FAM117A: variants seen among roughly 807,000 people sequenced by gnomAD.
FAM117A encodes family with sequence similarity 117 member A, also known as protein FAM117A.
In FAM117A, 21 loss-of-function variants were observed where a neutral mutation model predicts 44.1. The observed-to-expected ratio is 0.48, with a 90% CI of 0.34 to 0.69. The LOEUF (loss-of-function observed/expected upper bound fraction) is 0.69, where lower values mean the gene tolerates loss of function less well. Ranked by LOEUF, FAM117A falls within the 30% of genes least tolerant of loss-of-function variation. The pLI is 0.01. For synonymous variants in FAM117A, 220 were observed against 238.3 expected (o/e 0.92, Z 0.71); for missense variants, 498 against 589.9 (o/e 0.84, Z 1.61).
chr17:49,722,703 G>T, intron 2 of FAM117A, 109 bp from the exon 3 acceptor site: 2 of 825,758 alleles, frequency 2.4e-6, no homozygotes, highest in Non-Finnish European at 2.0e-6. Flanking sequence ...CCTTCTCTCT[G>T]CTCATCAACC....
intron 1 of FAM117A, among the ~76,000 whole-genome samples, chr17:49,778,140 C>T (rs759984229): frequency 7.5e-4 from 114 of 152,278 alleles, no homozygotes; most frequent in South Asian, 2.1e-3. Flanking sequence ...GTAAAGGAAC[C>T]CTTCTTGACC....
chr17:49,717,445 T>C, intron 6 of FAM117A, 68 bp downstream of exon 6: 1 of 1,402,006 alleles, frequency 7.1e-7, no homozygotes. Context: ...TGACTAGAGG[T>C]GGAAAAGGGA....
chr17:49,734,594 AAAAT>A (rs903828832), intron 1 of FAM117A, among the ~76,000 whole-genome samples: 7 of 152,222 alleles, frequency 4.6e-5, no homozygotes, highest in African/African-American at 9.6e-5. Flanking sequence ...TCCATCTCAA[AAAAT>A]AAATAAATAA....
chr17:49,734,808 A>C (rs2073603397), intron 1 of FAM117A, among the ~76,000 whole-genome samples: 1 of 152,178 alleles, frequency 6.6e-6, no homozygotes, highest in Non-Finnish European at 1.5e-5. Flanking sequence ...GAAACGGATA[A>C]ACAAATGCAG....
At position 49,711,449 on chromosome 17, in the gene FAM117A, G is replaced by A. The variant is rs1486230850; in HGVS notation, c.1168C>T (p.Leu390Phe). ...AFCPVNLMKP[L>F]FPGMGFIFRN... is the part of the protein sequence containing the mutation. Reference sequence around the variant, plus strand: ...AAGATGAAGCCCATGCCGGGGAAGAGGGGCTTCATCAGGTTGACGGGGCAG... The same window carrying A: ...AAGATGAAGCCCATGCCGGGGAAGAAGGGCTTCATCAGGTTGACGGGGCAG... The change falls in exon 8 of 8, where the codon CTC becomes TTC. Residue 390 changes from leucine to phenylalanine, a missense_variant. Physicochemically the swap from Leu to Phe is conservative, Grantham distance 22 (BLOSUM62 0). Coordinates refer to ENST00000240364, the MANE Select transcript of FAM117A (RefSeq NM_030802.4). 6.2e-7 allele frequency: 1 copy of A among 1,614,044 alleles called. No individual in the cohort carries two copies. Among genetic ancestry groups the A allele is most frequent in the Non-Finnish European group, 8.5e-7 (1 of 1,180,014 alleles).
At chr17:49,781,189 C>G (rs950752130) in intron 1 of FAM117A, among the ~76,000 whole-genome samples, 9 of 152,216 alleles carry the variant, frequency 5.9e-5, no homozygotes, top group Non-Finnish European at 2.9e-5. Context: ...CTCTTTCTCT[C>G]ACTCAAACTT....
At chr17:49,743,946 G>T (rs1382028581) in intron 1 of FAM117A, among the ~76,000 whole-genome samples, 1 of 151,938 alleles carries the variant, frequency 6.6e-6, no homozygotes, top group Non-Finnish European at 1.5e-5. Flanking sequence ...AAAAGGTTGG[G>T]GGGGGCGTCC....
At chr17:49,762,580 C>G (rs1029754697) in intron 1 of FAM117A, among the ~76,000 whole-genome samples, 2 of 152,196 alleles carry the variant, frequency 1.3e-5, no homozygotes, top group African/African-American at 4.8e-5. Context: ...GTAGTAGCTA[C>G]TACTTCTGTA....
At position 49,760,176 on chromosome 17, in the gene FAM117A, T is replaced by C. The variant is rs188471563; in HGVS notation, c.196+3716A>G. On this transcript the variant is annotated intron_variant, in intron 1 of 7. Transcript: ENST00000240364. Reference sequence around the variant, plus strand: ...ATGATGTTCTACAAAGATTGAGAACTGACTGGAAGCAGGTGACCTTCTTTT... The same window carrying C: ...ATGATGTTCTACAAAGATTGAGAACCGACTGGAAGCAGGTGACCTTCTTTT... 1.3e-3 allele frequency among the ~76,000 whole-genome samples: 200 copies of C among 152,322 alleles called. 1 individual carries two copies. The highest frequency in any genetic ancestry group is 2.2e-3 in the Non-Finnish European group (147 of 68,024).
chr17:49,719,296 G>T (rs1214626909), intron 5 of FAM117A, among the ~76,000 whole-genome samples: 1 of 152,082 alleles, frequency 6.6e-6, no homozygotes, highest in Non-Finnish European at 1.5e-5. Flanking sequence ...CTTCAGCAAA[G>T]GTAGCACATA....
chr17:49,772,334 G>A (rs1383284857), intron 1 of FAM117A, among the ~76,000 whole-genome samples: 1 of 151,922 alleles, frequency 6.6e-6, no homozygotes, highest in African/African-American at 2.4e-5. Flanking sequence ...CAAGCTGGGT[G>A]CGGTGGCTCA....
At chr17:49,741,114 A>C (rs1352216091) in intron 1 of FAM117A, among the ~76,000 whole-genome samples, 2 of 152,126 alleles carry the variant, frequency 1.3e-5, no homozygotes, top group East Asian at 3.9e-4. Flanking sequence ...CAAAATACCC[A>C]AGAAGGACTA....
intron 1 of FAM117A, among the ~76,000 whole-genome samples, chr17:49,757,036 C>G (rs1013657124): frequency 2.0e-5 from 3 of 152,158 alleles, no homozygotes; most frequent in African/African-American, 7.2e-5. Flanking sequence ...AGAGAAAACT[C>G]CTCAACCCTT....
chr17:49,753,957 A>G (rs565112492), intron 1 of FAM117A, among the ~76,000 whole-genome samples: 37 of 152,276 alleles, frequency 2.4e-4, no homozygotes, highest in African/African-American at 8.2e-4. Context: ...CCAGATTCCA[A>G]TAAGAAAGAG....
Position 49,760,189 on chromosome 17 carries a change from G to A in FAM117A, c.196+3703C>T, listed in dbSNP as rs75087180. 6.0e-3 allele frequency among the ~76,000 whole-genome samples: 917 copies of A among 152,294 alleles called. 13 individuals are homozygous for A. Among genetic ancestry groups the A allele is most frequent in the African/African-American group, 0.02 (828 of 41,542 alleles). ...AAGATTGAGAACTGACTGGAAGCAGGTGACCTTCTTTTCTTTTGCCTTAAA... is the reference window on the plus strand; with the variant it reads ...AAGATTGAGAACTGACTGGAAGCAGATGACCTTCTTTTCTTTTGCCTTAAA... On this transcript the variant is annotated intron_variant, in intron 1 of 7. Coordinates refer to ENST00000240364, the MANE Select transcript of FAM117A (RefSeq NM_030802.4).
At chr17:49,746,751 A>T (rs980434993) in intron 1 of FAM117A, among the ~76,000 whole-genome samples, 1 of 152,256 alleles carries the variant, frequency 6.6e-6, no homozygotes, top group Non-Finnish European at 1.5e-5. Flanking sequence ...CCAGAGACAG[A>T]GGTAAAAACA....
chr17:49,768,899 C>G (rs539629834), upstream of FAM117A, among the ~76,000 whole-genome samples: 46 of 152,332 alleles, frequency 3.0e-4, no homozygotes, highest in Non-Finnish European at 5.7e-4. Flanking sequence ...TTAGCTCTCT[C>G]ACTTGTTCCT....
intron 3 of FAM117A, among the ~76,000 whole-genome samples, chr17:49,721,123 C>T (rs2073532291): frequency 6.6e-6 from 1 of 152,152 alleles, no homozygotes; most frequent in Non-Finnish European, 1.5e-5. Flanking sequence ...TGGGGATATT[C>T]TCCCTTGTTT....
At position 49,711,154 on chromosome 17, in the gene FAM117A, G is replaced by A. The variant is rs2073475334; in HGVS notation, c.*101C>T. 19 of 1,205,156 alleles carry A rather than the reference G, an allele frequency of 1.6e-5. No individual in the cohort carries two copies. Among genetic ancestry groups the A allele is most frequent in the Middle Eastern group, 2.9e-4 (1 of 3,422 alleles). 74.7% of individuals were successfully genotyped at this position (1,205,156 alleles called of 1,614,324 possible). On this transcript the variant is annotated 3_prime_UTR_variant, in exon 8 of 8. Coordinates refer to ENST00000240364, the MANE Select transcript of FAM117A (RefSeq NM_030802.4). ...AAGTGAAAGAAAGTGCTCGAAGGCC[G>A]AGAGGGAAGGGCCCCTCCATACCCC...
Sources: gnomAD v4.1 joint callset for allele counts (sites outside exome capture counted in the v4.1 genomes callset) on GRCh38, gnomAD v4.1.1 for gene constraint, MANE v1.5 for transcripts, NCBI Gene and HGNC (gene_info 2026-07-23, HGNC 2026-07-21) for gene names.